KLK5: variants seen among roughly 807,000 people sequenced by gnomAD.
The protein encoded by KLK5 is kallikrein-5.
A neutral mutation model predicts 24.0 loss-of-function variants in KLK5; 18 were observed. The ratio of observed to expected loss-of-function variants is 0.75; its 90% CI spans 0.52 to 1.11. The LOEUF is 1.11. KLK5 is among the 50% of genes most tolerant of loss of function. The probability of loss-of-function intolerance (pLI) is 0.00; values close to 1 mark genes in which losing one functional copy is unlikely to be tolerated. For missense variants in KLK5, 374 were observed against 379.2 expected, an observed-to-expected ratio of 0.99 and a Z score of 0.11; for synonymous variants, 140 against 154.0, an observed-to-expected ratio of 0.91 and a Z score of 0.67.
chr19:50,948,319 C>T lies in KLK5; in HGVS notation c.726+321G>A, dbSNP rs143870040. 9.2e-5 allele frequency among the ~76,000 whole-genome samples: 14 copies of T among 152,122 alleles called. 1 individual carries two copies. The highest frequency in any genetic ancestry group is 4.2e-4 in the South Asian group (2 of 4,818). ...GTATTTTTTTTTAGAGACAGAGTTTCGCCATGTTGGCCAGGCTAGTCTCAA... is the reference window on the plus strand; with the variant it reads ...GTATTTTTTTTTAGAGACAGAGTTTTGCCATGTTGGCCAGGCTAGTCTCAA... On this transcript the variant is annotated intron_variant, in intron 5 of 5. Transcript: ENST00000336334.
At chr19:50,951,635 C>T (rs1234094535) in intron 2 of KLK5, among the ~76,000 whole-genome samples, 6 of 152,194 alleles carry the variant, frequency 3.9e-5, no homozygotes, top group African/African-American at 1.4e-4. Context: ...CCAAGAACCA[C>T]GCGCACAACA....
Position 50,952,981 on chromosome 19 carries a change from C to T in KLK5, c.-246G>A. On this transcript the variant is annotated 5_prime_UTR_variant, in exon 1 of 6. Coordinates refer to ENST00000336334, the MANE Select transcript of KLK5 (RefSeq NM_012427.5). ...CCCCAGGTAGGGGGTGGGGGATTTG[C>T]TCCCAGCTCAGCCGCAGACTTCTCA... 4.2e-6 allele frequency: 1 copy of T among 236,800 alleles called. No homozygotes were observed. Among genetic ancestry groups the T allele is most frequent in the Non-Finnish European group, 8.1e-6 (1 of 122,930 alleles). The allele number at this position is 236,800 out of a possible 1,614,324, so 14.7% of individuals were successfully genotyped here.
Position 50,949,077 on chromosome 19 carries a change from G to A in KLK5, c.374C>T (p.Pro125Leu), listed in dbSNP as rs2090661302. 1 of 1,613,346 alleles carries A rather than the reference G, an allele frequency of 6.2e-7. No individual in the cohort carries two copies. Among genetic ancestry groups the A allele is most frequent in the Admixed American group, 1.7e-5 (1 of 59,938 alleles). The change falls in exon 4 of 6, where the codon CCA (proline) becomes CTA (leucine). Residue 125 changes from proline (P) to leucine (L), a missense_variant. Pro to Leu is a moderately conservative substitution (Grantham distance 98, BLOSUM62 -3). Transcript: ENST00000336334. ...RVRLGHYSLS[P>L]VYESGQQMFQ... is the part of the protein sequence containing the mutation. The stretch of plus-strand genomic sequence containing the variant: ...CATCTGCTGCCCAGATTCATAAACT[G>A]GTGACAGGGAGTAGTGGCCGAGACG...
rs182328761 is a variant in KLK5 at position 50,943,477 on chromosome 19, G to A, written c.*154C>T. On this transcript the variant is annotated 3_prime_UTR_variant, in exon 6 of 6. Coordinates refer to ENST00000336334, the MANE Select transcript of KLK5 (RefSeq NM_012427.5). The stretch of plus-strand genomic sequence containing the variant: ...TAGAGAGACACGGTCAGCCCAATGT[G>A]GGGGAAGCAGACCCTGAGTCCAGGA... The A allele has an allele frequency of 3.8e-4, 263 of 690,608 alleles. 1 individual carries two copies. The highest frequency in any genetic ancestry group is 3.7e-3 in the African/African-American group (208 of 56,050). The allele number at this position is 690,608 out of a possible 1,614,324, so 42.8% of individuals were successfully genotyped here.
chr19:50,943,824 TG>T lies in KLK5; in HGVS notation c.727-39del, dbSNP rs1323212731. On this transcript the variant is annotated intron_variant, in intron 5 of 5. Coordinates refer to ENST00000336334, the MANE Select transcript of KLK5 (RefSeq NM_012427.5). Reference sequence around the variant, plus strand: ...AAGGGGGGCATGAGAGAGGCAGAGATGTGGCAAAGTGGGCAGAAGGAGACAT... The same window carrying T: ...AAGGGGGGCATGAGAGAGGCAGAGATTGGCAAAGTGGGCAGAAGGAGACAT... 3.2e-6 allele frequency: 5 copies of T among 1,566,076 alleles called. 1 individual carries two copies. In the South Asian group the frequency reaches 4.6e-5, roughly 14 times the overall value.
chr19:50,945,642 A>T (rs1340107487), intron 5 of KLK5, among the ~76,000 whole-genome samples: 2 of 150,304 alleles, frequency 1.3e-5, no homozygotes, highest in Non-Finnish European at 3.0e-5. Context: ...AAAAAAAAAA[A>T]TAGCCAGGCA....
intron 5 of KLK5, among the ~76,000 whole-genome samples, chr19:50,946,235 T>G (rs1314120009): frequency 6.6e-6 from 1 of 152,278 alleles, no homozygotes; most frequent in Non-Finnish European, 1.5e-5. Context: ...GTTAGTTAAC[T>G]GCTCTGAGCC....
chr19:50,950,143 G>A lies in KLK5; in HGVS notation c.74-27C>T, dbSNP rs370796761. On this transcript the variant is annotated intron_variant, in intron 2 of 5. Transcript: ENST00000336334. ...TGGGAACGGAAAATGGGTTGGGCGG[G>A]GCTCAGAGGCGGGGCTTGGGCTGGG... 7.6e-5 allele frequency: 115 copies of A among 1,515,644 alleles called. No individual in the cohort carries two copies. The African/African-American group carries it at 1.2e-3, about 16-fold the overall frequency. 93.9% of individuals were successfully genotyped at this position (1,515,644 alleles called of 1,614,324 possible). A position where few individuals can be genotyped will look rare whatever the true frequency, so the allele number is the denominator to read the frequency against.
At position 50,950,127 on chromosome 19, in the gene KLK5, A is replaced by C. The variant is rs1440746166; in HGVS notation, c.74-11T>G. On this transcript the variant is annotated splice_polypyrimidine_tract_variant and intron_variant, in intron 2 of 5. Coordinates refer to ENST00000336334, the MANE Select transcript of KLK5 (RefSeq NM_012427.5). ...TGGCGAGAACATGCTCTGGGAACGG[A>C]AAATGGGTTGGGCGGGGCTCAGAGG... 1.3e-6 allele frequency: 2 copies of C among 1,587,292 alleles called. No homozygotes were observed. The highest frequency in any genetic ancestry group is 1.3e-5 in the African/African-American group (1 of 74,862).
In KLK5 at chr19:50,949,171, G is replaced by A. The variant is rs943522746; in HGVS notation, c.336-56C>T. The A allele has an allele frequency of 3.3e-5, 52 of 1,562,066 alleles. No homozygotes were observed. In the South Asian group the frequency reaches 4.4e-4, roughly 13 times the overall value. On this transcript the variant is annotated intron_variant, in intron 3 of 5. Coordinates refer to ENST00000336334, the MANE Select transcript of KLK5 (RefSeq NM_012427.5). ...CCTGATCTCTATCTCCACGTCCAAC[G>A]CCAATCCCAACCCCACACCCAGCCC...
chr19:50,949,514 A>C (rs925546143), intron 3 of KLK5, among the ~76,000 whole-genome samples: 2 of 146,192 alleles, frequency 1.4e-5, no homozygotes, highest in African/African-American at 2.6e-5. Context: ...TCCCAATTCC[A>C]CCTCCATCCC....
Position 50,948,990 on chromosome 19 carries a change from A to G in KLK5, c.461T>C (p.Leu154Pro). The change falls in exon 4 of 6, where the codon CTC becomes CCC. Residue 154 changes from leucine to proline, a missense_variant. Transcript: ENST00000336334. ...GYSHPGHSND[L>P]MLIKLNRRIR... ...TCTTCTGTTCAGTTTGATGAGCATG[A>G]GGTCGTTAGAGTGGCCAGGGTGGGA... is the stretch of plus-strand genomic sequence containing the variant. 1.2e-6 allele frequency: 2 copies of G among 1,613,930 alleles called. No homozygotes were observed. Among genetic ancestry groups the G allele is most frequent in the East Asian group, 2.2e-5 (1 of 44,870 alleles).
At chr19:50,946,308 A>G (rs2090633261) in intron 5 of KLK5, among the ~76,000 whole-genome samples, 1 of 152,266 alleles carries the variant, frequency 6.6e-6, no homozygotes, top group Admixed American at 6.5e-5. Flanking sequence ...GAGCTGAGGC[A>G]TGCAAACCAC....
rs577198540 is a variant in KLK5 at position 50,947,257 on chromosome 19, G to A, written c.726+1383C>T. On this transcript the variant is annotated intron_variant, in intron 5 of 5. Transcript: ENST00000336334. The surrounding 1 kb of genome is among the most constrained non-coding windows in gnomAD (Gnocchi z 8.7). ...ATTCGCCCCTGCCTACACCTCCAGC[G>A]TCACTTTCTACTGTTGCCCCCACTT... 5.9e-5 allele frequency among the ~76,000 whole-genome samples: 9 copies of A among 152,290 alleles called. No homozygotes were observed. The highest frequency in any genetic ancestry group is 3.3e-4 in the Admixed American group (5 of 15,290).
intron 2 of KLK5, among the ~76,000 whole-genome samples, chr19:50,952,183 A>ATC (rs61409696): frequency 6.6e-6 from 1 of 151,144 alleles, no homozygotes; most frequent in South Asian, 2.1e-4. Context: ...AGGGACAGGA[A>ATC]CTGCAGATAC....
At chr19:50,946,489 T>C (rs1568526950) in intron 5 of KLK5, among the ~76,000 whole-genome samples, 1 of 151,970 alleles carries the variant, frequency 6.6e-6, no homozygotes, top group Admixed American at 6.6e-5. Context: ...AAAAACAAGA[T>C]ACTAACCTTG....
chr19:50,949,483 C>A (rs2090664733), intron 3 of KLK5, among the ~76,000 whole-genome samples: 1 of 151,678 alleles, frequency 6.6e-6, no homozygotes, highest in African/African-American at 2.4e-5. Context: ...GATTTTCACC[C>A]ACCCCCAATT....
In KLK5 at chr19:50,943,351, G is replaced by A. The variant is rs1470395689; in HGVS notation, c.*280C>T. ...GGACTAAATTTGGGTCAGAGCTGCA[G>A]AGAAGGGATGGGCCCTGAGCTTGAG... On this transcript the variant is annotated 3_prime_UTR_variant, in exon 6 of 6. Coordinates refer to ENST00000336334, the MANE Select transcript of KLK5 (RefSeq NM_012427.5). 5 of 313,796 alleles carry A rather than the reference G, an allele frequency of 1.6e-5. No homozygotes were observed. Among genetic ancestry groups the A allele is most frequent in the Non-Finnish European group, 2.4e-5 (4 of 169,714 alleles). The allele number at this position is 313,796 out of a possible 1,614,324, so 19.4% of individuals were successfully genotyped here.
At position 50,950,426 on chromosome 19, in the gene KLK5, G is replaced by T. The variant is rs530098137; in HGVS notation, c.74-310C>A. 1.5e-3 allele frequency: 643 copies of T among 429,112 alleles called. 1 individual carries two copies. Among genetic ancestry groups the T allele is most frequent in the Non-Finnish European group, 2.4e-3 (546 of 232,036 alleles). The allele number at this position is 429,112 out of a possible 1,614,324, so 26.6% of individuals were successfully genotyped here. A position where few individuals can be genotyped will look rare whatever the true frequency, so the allele number is the denominator to read the frequency against. ...AGCTCAGGGGTAGTGCCAAAGCTGT[G>T]GGGGCTGGAGCCTGGGGATGGGAGG... On this transcript the variant is annotated intron_variant, in intron 2 of 5. Transcript: ENST00000336334.
Sources: allele counts gnomAD v4.1 joint callset (sites outside exome capture counted in the v4.1 genomes callset), GRCh38; gene constraint gnomAD v4.1.1; non-coding constraint Gnocchi (gnomAD v3.1); transcripts MANE v1.5; gene names NCBI Gene and HGNC (gene_info 2026-07-23, HGNC 2026-07-21).